AKAP7: variants seen among roughly 807,000 people sequenced by gnomAD.
The protein encoded by AKAP7 is A kinase (PRKA) anchor protein 7.
Under a neutral mutation model 39.5 loss-of-function variants are expected in AKAP7, and 39 were observed. The observed-to-expected ratio is 0.99, with a 90% CI of 0.76 to 1.29. The LOEUF is 1.29. Ranked by LOEUF, AKAP7 falls within the 50% of genes most tolerant of loss-of-function variation. The pLI, the probability that AKAP7 is intolerant of heterozygous loss-of-function variation, is 0.00. For missense variants in AKAP7, 414 were observed against 407.7 expected, an observed-to-expected ratio of 1.02 and a Z score of -0.13; for synonymous variants, 140 against 139.1, an observed-to-expected ratio of 1.01 and a Z score of -0.05.
intron 5 of AKAP7, among the ~76,000 whole-genome samples, chr6:131,188,000 G>A (rs1806034062): frequency 6.6e-6 from 1 of 152,172 alleles, no homozygotes; most frequent in South Asian, 2.1e-4. Flanking sequence ...TAAATAATGG[G>A]AGAACTGGGT....
At chr6:131,232,401 AT>A (rs975999194) in intron 7 of AKAP7, among the ~76,000 whole-genome samples, 3 of 152,226 alleles carry the variant, frequency 2.0e-5, no homozygotes, top group African/African-American at 7.2e-5. Flanking sequence ...TAATGAATTA[AT>A]AGTTGCCAAA....
At chr6:131,133,559 T>C (rs1800374023), upstream of AKAP7, among the ~76,000 whole-genome samples, 1 of 152,226 alleles carries the variant, frequency 6.6e-6, no homozygotes, top group Non-Finnish European at 1.5e-5. Flanking sequence ...TTCATAATAC[T>C]GGTGGTGAAA....
rs145033953 is a variant in AKAP7, at chr6:131,219,709, A to T, written c.751A>T (p.Arg251Ter). Residue 251 changes from arginine (R) to a stop codon, truncating the protein, a stop_gained, in exon 7 of 8, where the codon AGA becomes TGA. Transcript: ENST00000431975. LOFTEE classifies it high-confidence loss of function. ...PDLYEKFISH[R>*]FGEEILYRID... ...TTTATATGAAAAGTTTATCAGTCAC[A>T]GATTTGGAGAAGAAATATTATATCG... 1 of 1,598,766 alleles carries T rather than the reference A, an allele frequency of 6.3e-7. No individual in the cohort carries two copies. Among genetic ancestry groups the T allele is most frequent in the African/African-American group, 1.3e-5 (1 of 74,178 alleles).
At chr6:131,239,395 T>C (rs931588483) in intron 7 of AKAP7, among the ~76,000 whole-genome samples, 1 of 152,210 alleles carries the variant, frequency 6.6e-6, no homozygotes, top group Non-Finnish European at 1.5e-5. Flanking sequence ...CTTGGAGTGC[T>C]CTTCTCGAGG....
intron 6 of AKAP7, among the ~76,000 whole-genome samples, chr6:131,202,631 G>T: frequency 1.8e-5 from 2 of 113,380 alleles, no homozygotes; most frequent in Non-Finnish European, 1.8e-5. Context: ...AGGGGGGAGG[G>T]ATAGCTTTAG....
At chr6:131,196,513 C>T (rs1192055108) in intron 5 of AKAP7, among the ~76,000 whole-genome samples, 2 of 152,164 alleles carry the variant, frequency 1.3e-5, no homozygotes, top group African/African-American at 4.8e-5. Context: ...ATCCTCCCAC[C>T]TCAGCCTCCC....
At chr6:131,229,328 T>C (rs1312589608) in intron 7 of AKAP7, among the ~76,000 whole-genome samples, 1 of 152,100 alleles carries the variant, frequency 6.6e-6, no homozygotes, top group African/African-American at 2.4e-5. Context: ...ATAATGAACT[T>C]CATTTTCCCA....
intron 5 of AKAP7, among the ~76,000 whole-genome samples, chr6:131,172,001 A>G (rs1223835538): frequency 6.6e-6 from 1 of 152,184 alleles, no homozygotes; most frequent in Non-Finnish European, 1.5e-5. Context: ...AGAGAGCAGT[A>G]TATTGGATTT....
intron 6 of AKAP7, among the ~76,000 whole-genome samples, chr6:131,211,030 A>G (rs1384021229): frequency 6.6e-6 from 1 of 152,202 alleles, no homozygotes; most frequent in East Asian, 1.9e-4. Context: ...GTACTTCTCA[A>G]CAGGTGGTAA....
chr6:131,189,193 G>T (rs1806166350), intron 5 of AKAP7, among the ~76,000 whole-genome samples: 1 of 152,122 alleles, frequency 6.6e-6, no homozygotes, highest in African/African-American at 2.4e-5. Context: ...TTGCTATCTG[G>T]GAAAAGACCA....
chr6:131,246,077 G>A (rs1401578323), intron 7 of AKAP7, among the ~76,000 whole-genome samples: 3 of 145,842 alleles, frequency 2.1e-5, no homozygotes, highest in African/African-American at 7.8e-5. Flanking sequence ...TTTTCCATGA[G>A]GTTTCTCAGA....
At chr6:131,150,159 T>C (rs1801802171) in intron 2 of AKAP7, among the ~76,000 whole-genome samples, 1 of 152,188 alleles carries the variant, frequency 6.6e-6, no homozygotes. Flanking sequence ...TTTCTTTTTT[T>C]TGTGTGTCAT....
chr6:131,247,167 A>G (rs1339571977), intron 7 of AKAP7, among the ~76,000 whole-genome samples: 2 of 150,596 alleles, frequency 1.3e-5, no homozygotes, highest in Admixed American at 1.3e-4. Flanking sequence ...TCTATCTTTC[A>G]TTATGGTTAA....
chr6:131,212,355 A>G (rs1808747523), intron 6 of AKAP7, among the ~76,000 whole-genome samples: 1 of 152,206 alleles, frequency 6.6e-6, no homozygotes, highest in Non-Finnish European at 1.5e-5. Flanking sequence ...AGAAACATTC[A>G]TTTTAAAATT....
At chr6:131,166,660 C>T (rs999195191) in intron 4 of AKAP7, among the ~76,000 whole-genome samples, 2 of 152,040 alleles carry the variant, frequency 1.3e-5, no homozygotes, top group African/African-American at 4.8e-5. Flanking sequence ...TGGGTCCACC[C>T]CTATTCTGGA....
Position 131,282,790 on chromosome 6 carries a change from G to T in AKAP7, c.*1064G>T. The T allele has an allele frequency of 4.0e-6, 2 of 497,582 alleles. No individual in the cohort carries two copies. Among genetic ancestry groups the T allele is most frequent in the South Asian group, 3.9e-5 (1 of 25,328 alleles). 30.8% of individuals were successfully genotyped at this position (497,582 alleles called of 1,614,324 possible). On this transcript the variant is annotated 3_prime_UTR_variant, in exon 8 of 8. Transcript: ENST00000431975. ...CCCAATTATTTTTTGAGCTACACTT[G>T]TGTTTTAGAATATCTGTTTCTGTAA...
In AKAP7 at chr6:131,199,502, G is replaced by A. The variant is rs34221901; in HGVS notation, c.631G>A (p.Gly211Arg). 1 of 1,611,144 alleles carries A rather than the reference G, an allele frequency of 6.2e-7. No individual in the cohort carries two copies. The highest frequency in any genetic ancestry group is 2.2e-5 in the East Asian group (1 of 44,828). The change falls in exon 6 of 8, where the codon GGA becomes AGA. Residue 211 changes from glycine to arginine, a missense_variant. Gly to Arg is a moderately radical substitution (Grantham distance 125). Coordinates refer to ENST00000431975, the MANE Select transcript of AKAP7 (RefSeq NM_016377.4). ...ATTTCAAGAAAAAGGCATCCTGGTAGGAGAGAGCAGAAGTTTTAAACCTCA... is the reference window on the plus strand; with the variant it reads ...ATTTCAAGAAAAAGGCATCCTGGTAAGAGAGAGCAGAAGTTTTAAACCTCA... ...RTFQEKGILV[G>R]ESRSFKPHLT... is the part of the protein sequence containing the mutation.
At chr6:131,185,242 A>C (rs1020129358) in intron 5 of AKAP7, 69 of 466,954 alleles carry the variant, frequency 1.5e-4, no homozygotes, top group African/African-American at 1.2e-3. Context: ...GGGTGGGCTC[A>C]CCGCTTTTTC....
At chr6:131,147,397 A>G (rs1801566279) in intron 2 of AKAP7, among the ~76,000 whole-genome samples, 1 of 152,214 alleles carries the variant, frequency 6.6e-6, no homozygotes, top group Non-Finnish European at 1.5e-5. Flanking sequence ...TTCCCATTCC[A>G]TAATCCAAGG....
Sources: gnomAD v4.1 joint callset for allele counts (sites outside exome capture counted in the v4.1 genomes callset) on GRCh38, gnomAD v4.1.1 for gene constraint, MANE v1.5 for transcripts, NCBI Gene and HGNC (gene_info 2026-07-23, HGNC 2026-07-21) for gene names.